Variants in PI4KB observed in about 807,000 individuals in gnomAD.
PI4KB encodes PtdIns 4-kinase beta.
In PI4KB, 23 loss-of-function variants were observed where a neutral mutation model predicts 81.4. That is an observed-to-expected ratio of 0.28 (90% confidence interval 0.20 to 0.40). The LOEUF is 0.40. PI4KB is among the 10% of genes least tolerant of loss of function. The pLI, the probability that PI4KB is intolerant of heterozygous loss-of-function variation, is 1.00. For synonymous variants in PI4KB, 381 were observed against 406.8 expected (o/e 0.94, Z 0.76); for missense variants, 651 against 1,036.6 (o/e 0.63, Z 5.11).
chr1:151,302,577 C>CTTTTTTTTTTTTTTTTTTTG (rs144203698), intron 6 of PI4KB, among the ~76,000 whole-genome samples: 1 of 133,796 alleles, frequency 7.5e-6, no homozygotes. Context: ...CTTTTCTTTT[C>CTTTTTTTTTTTTTTTTTTTG]TTTTTTTTTT....
chr1:151,302,124 G>C, intron 7 of PI4KB, 70 bp downstream of exon 7: 1 of 1,528,564 alleles, frequency 6.5e-7, no homozygotes, highest in African/African-American at 1.4e-5. Context: ...GGACAATAAA[G>C]TTGGTGCAGT....
intron 1 of PI4KB, among the ~76,000 whole-genome samples, chr1:151,326,841 T>G (rs1252045398): frequency 6.6e-6 from 1 of 151,992 alleles, no homozygotes; most frequent in Non-Finnish European, 1.5e-5. Flanking sequence ...GTGCTGGAGT[T>G]GCACAGGGAC....
Position 151,292,160 on chromosome 1 carries a change from A to AAATT in PI4KB, c.*688_*691dup, listed in dbSNP as rs1435153759. The AAATT allele has an allele frequency of 6.6e-6, 1 of 152,306 alleles. No homozygotes were observed. Among genetic ancestry groups the AAATT allele is most frequent in the African/African-American group, 2.4e-5 (1 of 41,446 alleles). 9.4% of individuals were successfully genotyped at this position (152,306 alleles called of 1,614,324 possible). On this transcript the variant is annotated 3_prime_UTR_variant, in exon 12 of 12. Transcript: ENST00000368873. The stretch of plus-strand genomic sequence containing the variant: ...TAACTAAGGACTTTATTTCAAACAA[A>AAATT]AATTAAAAATAAAAAATTGAGAGCT...
Position 151,292,768 on chromosome 1 carries a change from G to C in PI4KB, c.*84C>G, listed in dbSNP as rs771857158. On this transcript the variant is annotated 3_prime_UTR_variant, in exon 12 of 12. Coordinates refer to ENST00000368873, the MANE Select transcript of PI4KB (RefSeq NM_001369623.2). Reference sequence around the variant, plus strand: ...TTGGGTGGATGGTTGGGTAGGTGGGGTTTCCTGGTTTGGGGTTTCTCAGAC... The same window carrying C: ...TTGGGTGGATGGTTGGGTAGGTGGGCTTTCCTGGTTTGGGGTTTCTCAGAC... The C allele has an allele frequency of 6.3e-6, 8 of 1,263,374 alleles. No individual in the cohort carries two copies. The highest frequency in any genetic ancestry group is 7.7e-6 in the Non-Finnish European group (7 of 906,094). 78.3% of individuals were successfully genotyped at this position (1,263,374 alleles called of 1,614,324 possible).
chr1:151,319,765 A>T (rs1302824756), intron 1 of PI4KB, among the ~76,000 whole-genome samples: 1 of 152,190 alleles, frequency 6.6e-6, no homozygotes, highest in Admixed American at 6.5e-5. Context: ...CTAACAAAGG[A>T]CTCAGACTCA....
chr1:151,302,995 GTTTTTTTTTTT>G (rs775167343), intron 6 of PI4KB, among the ~76,000 whole-genome samples: 1 of 107,136 alleles, frequency 9.3e-6, no homozygotes, highest in Non-Finnish European at 1.9e-5. Flanking sequence ...GTGCTTTCTT[GTTTTTTTTTTT>G]TTTTTTTTTT....
At chr1:151,303,424 AAAG>A in intron 6 of PI4KB, 114 bp downstream of exon 6, 1 of 752,196 alleles carries the variant, frequency 1.3e-6, no homozygotes, top group South Asian at 1.5e-5. Context: ...GGACAGAATG[AAAG>A]AGGGAAAGAC....
intron 11 of PI4KB, 136 bp from the exon 12 acceptor site, chr1:151,293,169 T>A (rs1694448536): frequency 6.7e-7 from 1 of 1,488,764 alleles, no homozygotes; most frequent in African/African-American, 1.4e-5. Flanking sequence ...TGGGTGCAGT[T>A]CTGCTTGGGC....
At chr1:151,300,139 C>G (rs1181705359) in intron 8 of PI4KB, among the ~76,000 whole-genome samples, 1 of 152,200 alleles carries the variant, frequency 6.6e-6, no homozygotes, top group Non-Finnish European at 1.5e-5. Context: ...GTAAACTGTT[C>G]ACATTTAGAT....
intron 1 of PI4KB, among the ~76,000 whole-genome samples, chr1:151,316,826 G>A (rs1039714835): frequency 6.6e-6 from 1 of 152,244 alleles, no homozygotes; most frequent in South Asian, 2.1e-4. Flanking sequence ...TGTTGTTGTT[G>A]TTGTTGTTGT....
At chr1:151,302,882 C>G (rs904116888) in intron 6 of PI4KB, among the ~76,000 whole-genome samples, 1 of 151,652 alleles carries the variant, frequency 6.6e-6, no homozygotes, top group Admixed American at 6.6e-5. Context: ...CGCACCCAGC[C>G]TAGAATCTGC....
Position 151,299,004 on chromosome 1 carries a change from T to C in PI4KB, c.1819A>G (p.Ser607Gly). Residue 607 changes from serine to glycine, a missense_variant, in exon 9 of 12, where the codon AGT becomes GGT. Transcript: ENST00000368873. Reference protein sequence around the residue: ...PYKILVISADSGMIEPVVNAV... With the variant: ...PYKILVISADGGMIEPVVNAV... ...TTGACCACTGGTTCAATCATGCCAC[T>C]ATCAGCCGAAATCACAAGAATCTTG... 6.2e-7 allele frequency: 1 copy of C among 1,614,048 alleles called. No individual in the cohort carries two copies. Among genetic ancestry groups the C allele is most frequent in the Non-Finnish European group, 8.5e-7 (1 of 1,179,904 alleles).
rs768473829 is a variant in PI4KB at position 151,306,307 on chromosome 1, A to G, written c.1239T>C (p.Ser413=). 3.7e-6 allele frequency: 6 copies of G among 1,614,030 alleles called. No individual in the cohort carries two copies. Among genetic ancestry groups the G allele is most frequent in the African/African-American group, 2.7e-5 (2 of 74,896 alleles). ...GGTTCTCGGGGATCCGGGCAGGGAC[A>G]CTGGTGGTGTCAAAGTTTTCACATT... ...VLECENFDTT[S]VPARIPENRI... Residue 413 remains serine (S), a synonymous_variant, in exon 5 of 12, where the codon AGT becomes AGC. Transcript: ENST00000368873.
In PI4KB at chr1:151,307,631, G is replaced by C; in HGVS notation, c.1125C>G (p.Asp375Glu). 1 of 1,614,158 alleles carries C rather than the reference G, an allele frequency of 6.2e-7. No homozygotes were observed. Among genetic ancestry groups the C allele is most frequent in the Non-Finnish European group, 8.5e-7 (1 of 1,180,020 alleles). The stretch of plus-strand genomic sequence containing the variant: ...TGTGGGGTACACGGACCACGTGGTG[G>C]TCAAAGCCAGCAGTGGGCAGCCAGA... ...ARVWLPTAGF[D>E]HHVVRVPHTQ... The change falls in exon 4 of 12, where the codon GAC (aspartate) becomes GAG (glutamate). Residue 375 changes from aspartate to glutamate, a missense_variant. Transcript: ENST00000368873.
At chr1:151,293,990 A>G in intron 11 of PI4KB, 28 bp downstream of exon 11, 1 of 1,613,488 alleles carries the variant, frequency 6.2e-7, no homozygotes, top group Admixed American at 1.7e-5. Context: ...CTGAGGCACT[A>G]TAGCACCTGA....
At chr1:151,299,202 CT>C in intron 8 of PI4KB, 129 bp from the exon 9 acceptor site, 1 of 818,842 alleles carries the variant, frequency 1.2e-6, no homozygotes, top group Non-Finnish European at 1.9e-6. Context: ...ATGAGTAAGA[CT>C]CACTTAACCC....
upstream of PI4KB, chr1:151,327,601 A>T (rs1247629948): frequency 2.6e-6 from 1 of 386,546 alleles, no homozygotes; most frequent in African/African-American, 2.1e-5. Flanking sequence ...CTTTCTTCCC[A>T]GGATACGCTT....
In PI4KB at chr1:151,315,602, T is replaced by C. The variant is rs1418677939; in HGVS notation, c.880A>G (p.Ser294Gly). Residue 294 changes from serine (S) to glycine (G), a missense_variant, in exon 2 of 12, where the codon AGC becomes GGC. Coordinates refer to ENST00000368873, the MANE Select transcript of PI4KB (RefSeq NM_001369623.2). ...SLSSNLKRTA[S>G]NPKVENEDEE... ...TCCTCATTCTCCACTTTAGGGTTGCTGGCTGTTCGTTTCAGGTTGCTGCTG... is the reference window on the plus strand; with the variant it reads ...TCCTCATTCTCCACTTTAGGGTTGCCGGCTGTTCGTTTCAGGTTGCTGCTG... 1 of 1,613,938 alleles carries C rather than the reference T, an allele frequency of 6.2e-7. No individual in the cohort carries two copies. Among genetic ancestry groups the C allele is most frequent in the Non-Finnish European group, 8.5e-7 (1 of 1,179,990 alleles).
chr1:151,297,577 G>A (rs587757228), intron 9 of PI4KB, among the ~76,000 whole-genome samples: 34 of 148,304 alleles, frequency 2.3e-4, no homozygotes, highest in Admixed American at 1.4e-3. Flanking sequence ...CACCCTTGTC[G>A]TCCAGTCTGG....
Sources: gnomAD v4.1 joint callset for allele counts (sites outside exome capture counted in the v4.1 genomes callset) on GRCh38, gnomAD v4.1.1 for gene constraint, MANE v1.5 for transcripts, NCBI Gene and HGNC (gene_info 2026-07-23, HGNC 2026-07-21) for gene names.